The following CMSS1 variants were observed in gnomAD, a reference collection of about 807,000 sequenced individuals.
CMSS1 encodes cms1 ribosomal small subunit homolog, also known as protein CMSS1.
A neutral mutation model predicts 43.5 loss-of-function variants in CMSS1; 33 were observed. That is an observed-to-expected ratio of 0.76 (90% CI 0.57 to 1.01). The LOEUF is 1.01. CMSS1 is among the 50% of genes least tolerant of loss of function. The probability of loss-of-function intolerance (pLI) is 0.00; values close to 1 mark genes in which losing one functional copy is unlikely to be tolerated. For synonymous variants in CMSS1, 115 were observed against 117.2 expected, an observed-to-expected ratio of 0.98 and a Z score of 0.12; for missense variants, 313 against 326.4, an observed-to-expected ratio of 0.96 and a Z score of 0.32.
In CMSS1 at chr3:99,910,006, G is replaced by T. The variant is rs750677471; in HGVS notation, c.64+91963G>T. ...AATGTGTATTCAGAGCTGAAATTTT[G>T]TTTAAGAATAAGGCTGATTACTTAA... On this transcript the variant is annotated intron_variant, in intron 1 of 9. Transcript: ENST00000421999. Among the ~76,000 whole-genome samples, 3 of 85,074 alleles carry T rather than the reference G, an allele frequency of 3.5e-5. 1 individual carries two copies. The highest frequency in any genetic ancestry group is 9.4e-5 in the Non-Finnish European group (3 of 31,848). The allele number at this position is 85,074 out of a possible 152,430, so 55.8% of individuals were successfully genotyped here.
At chr3:99,833,073 T>A (rs1259580802) in intron 1 of CMSS1, 2 of 660,216 alleles carry the variant, frequency 3.0e-6, no homozygotes, top group Non-Finnish European at 5.4e-6. Flanking sequence ...CTACTCAGAG[T>A]TGGAGGCTCC....
chr3:99,828,505 G>T (rs1227866465), intron 1 of CMSS1, among the ~76,000 whole-genome samples: 10 of 148,798 alleles, frequency 6.7e-5, no homozygotes, highest in African/African-American at 2.5e-4. Context: ...AGTCTGGAGT[G>T]CAGTGGTGTG....
intron 6 of CMSS1, among the ~76,000 whole-genome samples, chr3:100,168,742 T>TG (rs1033511393): frequency 1.3e-5 from 2 of 149,252 alleles, no homozygotes; most frequent in African/African-American, 4.9e-5. Context: ...ATTGTGTTGT[T>TG]TTTTTTTTTA....
intron 1 of CMSS1, among the ~76,000 whole-genome samples, chr3:99,948,147 A>G (rs970039952): frequency 6.6e-6 from 1 of 152,204 alleles, no homozygotes; most frequent in Admixed American, 6.5e-5. Context: ...GTAGTGCATT[A>G]GAAACATGGT....
At chr3:100,042,292 T>C (rs1002326114) in intron 1 of CMSS1, among the ~76,000 whole-genome samples, 5 of 152,178 alleles carry the variant, frequency 3.3e-5, no homozygotes, top group Non-Finnish European at 7.3e-5. Context: ...AATGTCAATA[T>C]AAACTTGATT....
chr3:100,104,071 G>A (rs932999959), intron 1 of CMSS1, among the ~76,000 whole-genome samples: 3 of 152,178 alleles, frequency 2.0e-5, no homozygotes, highest in African/African-American at 7.2e-5. Context: ...CTGAGGAGAG[G>A]TGACTTTTCA....
intron 1 of CMSS1, among the ~76,000 whole-genome samples, chr3:99,917,818 T>C (rs1706999834): frequency 6.6e-6 from 1 of 152,236 alleles, no homozygotes; most frequent in African/African-American, 2.4e-5. Flanking sequence ...GTAGTCACTG[T>C]CATTCTCACT....
At chr3:99,957,048 T>C (rs1378026541) in intron 1 of CMSS1, among the ~76,000 whole-genome samples, 1 of 152,268 alleles carries the variant, frequency 6.6e-6, no homozygotes, top group Non-Finnish European at 1.5e-5. Context: ...ATCTTGATGC[T>C]ATTTTGTACC....
At chr3:100,117,888 A>C (rs2066589788) in intron 1 of CMSS1, among the ~76,000 whole-genome samples, 1 of 133,690 alleles carries the variant, frequency 7.5e-6, no homozygotes, top group Admixed American at 7.4e-5. Context: ...TACACATACA[A>C]TGGAGTATTA....
At chr3:100,004,537 C>T (rs1042774978) in intron 1 of CMSS1, among the ~76,000 whole-genome samples, 35 of 152,210 alleles carry the variant, frequency 2.3e-4, no homozygotes, top group Admixed American at 1.6e-3. Flanking sequence ...TTGCAGGTGA[C>T]GTTTGAAAGA....
intron 1 of CMSS1, among the ~76,000 whole-genome samples, chr3:99,865,034 C>T (rs1302981288): frequency 6.6e-6 from 1 of 152,018 alleles, no homozygotes; most frequent in Non-Finnish European, 1.5e-5. Context: ...TGAACAAATA[C>T]CTCTTCTATT....
chr3:99,941,271 CTTA>C (rs1379083734), intron 1 of CMSS1, among the ~76,000 whole-genome samples: 3 of 151,984 alleles, frequency 2.0e-5, no homozygotes, highest in Non-Finnish European at 2.9e-5. Context: ...AAGCTCACAG[CTTA>C]TTATATTAAT....
intron 1 of CMSS1, among the ~76,000 whole-genome samples, chr3:99,894,792 C>T (rs1400143186): frequency 6.6e-6 from 1 of 152,076 alleles, no homozygotes; most frequent in African/African-American, 2.4e-5. Context: ...TTTTGTAGCA[C>T]AATAATAGCA....
intron 1 of CMSS1, among the ~76,000 whole-genome samples, chr3:99,979,344 T>C (rs1201275777): frequency 1.3e-5 from 2 of 152,238 alleles, no homozygotes; most frequent in Non-Finnish European, 2.9e-5. Flanking sequence ...AAAGCTTGTC[T>C]GTATATACGG....
intron 1 of CMSS1, among the ~76,000 whole-genome samples, chr3:100,102,499 CTT>C (rs1201073894): frequency 3.9e-5 from 6 of 152,306 alleles, no homozygotes; most frequent in African/African-American, 1.4e-4. Flanking sequence ...TGAGATCTCT[CTT>C]TTCTTCAAAT....
intron 1 of CMSS1, among the ~76,000 whole-genome samples, chr3:100,091,289 A>C (rs917457732): frequency 2.1e-5 from 3 of 145,044 alleles, no homozygotes; most frequent in Non-Finnish European, 4.6e-5. Flanking sequence ...CGTCTCAAAA[A>C]AAAAAAAAAA....
intron 1 of CMSS1, chr3:100,141,506 T>A (rs551788780): frequency 4.4e-6 from 2 of 454,724 alleles, no homozygotes; most frequent in Admixed American, 2.4e-5. Context: ...TAAAGAACAA[T>A]TGACTGTATG....
chr3:100,115,398 C>T (rs976680905), intron 1 of CMSS1, among the ~76,000 whole-genome samples: 2 of 152,150 alleles, frequency 1.3e-5, no homozygotes, highest in African/African-American at 2.4e-5. Flanking sequence ...ATCTGAGTTA[C>T]TCCAAAGCCC....
At chr3:100,039,740 A>G (rs756768767) in intron 1 of CMSS1, 2 of 151,094 alleles carry the variant, frequency 1.3e-5, no homozygotes, top group Admixed American at 6.6e-5. Context: ...TTTTCTTCAC[A>G]GTTAACGACT....
Sources: allele counts gnomAD v4.1 joint callset (sites outside exome capture counted in the v4.1 genomes callset), GRCh38; gene constraint gnomAD v4.1.1; transcripts MANE v1.5; gene names NCBI Gene and HGNC (gene_info 2026-07-23, HGNC 2026-07-21).